The following NDUFA1 variants were observed in gnomAD, a reference collection of about 807,000 sequenced individuals.
NDUFA1 encodes the protein NADH dehydrogenase [ubiquinone] 1 alpha subcomplex subunit 1.
For synonymous variants in NDUFA1, 21 were observed against 20.0 expected (o/e 1.05, Z -0.14); for missense variants, 42 against 56.0 (o/e 0.75, Z 0.80).
intron 1 of NDUFA1, among the ~76,000 whole-genome samples, chrX:119,872,404 G>C (rs1336575102): frequency 9.1e-6 from 1 of 110,176 alleles, no homozygotes; most frequent in Non-Finnish European, 1.9e-5. Context: ...GATCACCTGA[G>C]GTCGGGAGTT....
chrX:119,872,246 C>T (rs2056416273), intron 1 of NDUFA1, among the ~76,000 whole-genome samples: 1 of 111,812 alleles, frequency 8.9e-6, no homozygotes, highest in African/African-American at 3.2e-5. Context: ...AGTAGCGACG[C>T]GGGGGCCGGG....
chrX:119,873,818 G>T (rs1477786011), intron 2 of NDUFA1, among the ~76,000 whole-genome samples: 1 of 109,974 alleles, frequency 9.1e-6, no homozygotes, highest in Non-Finnish European at 1.9e-5. Context: ...TATGTCTCCC[G>T]TACAAAGGCC....
At chrX:119,873,745 T>C (rs776609689) in intron 2 of NDUFA1, among the ~76,000 whole-genome samples, 188 of 111,602 alleles carry the variant, frequency 1.7e-3, no homozygotes, top group African/African-American at 5.9e-3. Flanking sequence ...ATGTTTTTCA[T>C]CAGGTAGTTC....
chrX:119,874,527 CAACTT>C (rs2056429044), intron 2 of NDUFA1, among the ~76,000 whole-genome samples: 1 of 111,108 alleles, frequency 9.0e-6, no homozygotes, highest in Admixed American at 9.7e-5. Context: ...TCATAAGGCT[CAACTT>C]AATAGTATAT....
At chrX:119,873,625 GTCTTTT>G (rs779645680) in intron 2 of NDUFA1, among the ~76,000 whole-genome samples, 2 of 104,128 alleles carry the variant, frequency 1.9e-5, no homozygotes, top group African/African-American at 7.0e-5. Context: ...CTGTTCCATT[GTCTTTT>G]TCTTTTTGAG....
At chrX:119,874,315 A>G (rs1468290023) in intron 2 of NDUFA1, among the ~76,000 whole-genome samples, 2 of 107,717 alleles carry the variant, frequency 1.9e-5, no homozygotes, top group Non-Finnish European at 3.8e-5. Context: ...CAAGCACCCA[A>G]TTTATTTTTA....
intron 1 of NDUFA1, among the ~76,000 whole-genome samples, chrX:119,872,509 C>G (rs1194644107): frequency 1.8e-5 from 2 of 109,678 alleles, no homozygotes; most frequent in Non-Finnish European, 3.8e-5. Flanking sequence ...CCCAGCTACT[C>G]GGGAGGCTGA....
chrX:119,876,623 A>C lies in NDUFA1; in HGVS notation c.*89A>C. ...GTTACAGTGTATTATGTAGCATGCA[A>C]TGTGTTATGTAGTGCTTAATAAAAA... On this transcript the variant is annotated 3_prime_UTR_variant, in exon 3 of 3. Transcript: ENST00000371437. 1.2e-6 allele frequency: 1 copy of C among 836,208 alleles called. No homozygotes were observed. The highest frequency in any genetic ancestry group is 1.8e-6 in the Non-Finnish European group (1 of 558,876). 68.9% of individuals were successfully genotyped at this position (836,208 alleles called of 1,213,427 possible). A position where few individuals can be genotyped will look rare whatever the true frequency, so the allele number is the denominator to read the frequency against.
chrX:119,874,280 C>CA (rs748783388), intron 2 of NDUFA1, among the ~76,000 whole-genome samples: 520 of 33,578 alleles, frequency 0.015, 6 homozygotes, highest in Middle Eastern at 0.025. Flanking sequence ...GAGCCTGTCT[C>CA]AAAAAAAAAA....
Position 119,876,623 on chromosome X carries a change from A to G in NDUFA1, c.*89A>G, listed in dbSNP as rs2056438297. The G allele has an allele frequency of 7.2e-6, 6 of 836,208 alleles. No homozygotes were observed. Among genetic ancestry groups the G allele is most frequent in the Non-Finnish European group, 1.1e-5 (6 of 558,876 alleles). The allele number at this position is 836,208 out of a possible 1,213,427, so 68.9% of individuals were successfully genotyped here. A position where few individuals can be genotyped will look rare whatever the true frequency, so the allele number is the denominator to read the frequency against. ...GTTACAGTGTATTATGTAGCATGCA[A>G]TGTGTTATGTAGTGCTTAATAAAAA... is the stretch of plus-strand genomic sequence containing the variant. On this transcript the variant is annotated 3_prime_UTR_variant, in exon 3 of 3. Transcript: ENST00000371437.
intron 2 of NDUFA1, 83 bp downstream of exon 2, chrX:119,873,476 A>C (rs2056424454): frequency 1.4e-6 from 1 of 694,625 alleles, no homozygotes; most frequent in African/African-American, 2.1e-5. Context: ...TACAGTGCTA[A>C]TATATAACTA....
chrX:119,872,145 C>T (rs2147813172), intron 1 of NDUFA1, 132 bp downstream of exon 1: 5 of 623,831 alleles, frequency 8.0e-6, no homozygotes, highest in Non-Finnish European at 1.3e-5. Context: ...GCCTAGAAGC[C>T]GAGGCTTGCG....
intron 2 of NDUFA1, among the ~76,000 whole-genome samples, chrX:119,874,819 C>T (rs1353732497): frequency 8.9e-6 from 1 of 112,148 alleles, no homozygotes; most frequent in African/African-American, 3.2e-5. Flanking sequence ...CCACCTCAAC[C>T]TCCCAAAGTG....
Position 119,872,003 on chromosome X carries a change from A to G in NDUFA1, c.92A>G (p.Asn31Ser). The G allele has an allele frequency of 8.3e-7, 1 of 1,211,299 alleles. No homozygotes were observed. The highest frequency in any genetic ancestry group is 3.0e-5 in the East Asian group (1 of 33,842). Residue 31 changes from asparagine (N) to serine (S), a missense_variant, in exon 1 of 3, where the codon AAC becomes AGC. Coordinates refer to ENST00000371437, the MANE Select transcript of NDUFA1 (RefSeq NM_004541.4). ...LATAYIHRFT[N>S]GGKEKRVAHF... ...ACTGCGTACATCCACAGGTTCACTA[A>G]CGGGGGCAAGGTAAGCCGGCTTCGG...
intron 1 of NDUFA1, 137 bp from the exon 2 acceptor site, chrX:119,873,167 T>C: frequency 2.0e-6 from 1 of 501,324 alleles, no homozygotes. Context: ...GAGATTCTGT[T>C]CTTTGTACTA....
intron 2 of NDUFA1, among the ~76,000 whole-genome samples, chrX:119,874,358 A>G (rs1343985962): frequency 9.2e-6 from 1 of 108,572 alleles, no homozygotes; most frequent in Non-Finnish European, 1.9e-5. Context: ...CTAAATTTCC[A>G]TGTACACATG....
chrX:119,876,072 G>A (rs1316936896), intron 2 of NDUFA1, among the ~76,000 whole-genome samples: 1 of 110,681 alleles, frequency 9.0e-6, no homozygotes, highest in Non-Finnish European at 1.9e-5. Context: ...GGGCATGGTG[G>A]CACATGCCTT....
At position 119,871,954 on chromosome X, in the gene NDUFA1, T is replaced by A; in HGVS notation, c.43T>A (p.Cys15Ser). 1 of 1,212,431 alleles carries A rather than the reference T, an allele frequency of 8.2e-7. No individual in the cohort carries two copies. Among genetic ancestry groups the A allele is most frequent in the Non-Finnish European group, 1.1e-6 (1 of 895,628 alleles). ...CCCCGGACTCTCCGTCATGGGCGTG[T>A]GCTTGTTGATTCCAGGACTGGCTAC... ...ILPGLSVMGV[C>S]LLIPGLATAY... is the part of the protein sequence containing the mutation. Residue 15 changes from cysteine to serine, a missense_variant, in exon 1 of 3, where the codon TGC becomes AGC. Coordinates refer to ENST00000371437, the MANE Select transcript of NDUFA1 (RefSeq NM_004541.4).
At chrX:119,872,082 C>T (rs1330314605) in intron 1 of NDUFA1, 69 bp downstream of exon 1, 3 of 1,040,637 alleles carry the variant, frequency 2.9e-6, no homozygotes, top group African/African-American at 3.7e-5. Context: ...GGCAGGGAGA[C>T]CGTCAGCCTG....
Sources: gnomAD v4.1 joint callset for allele counts (sites outside exome capture counted in the v4.1 genomes callset) on GRCh38, gnomAD v4.1.1 for gene constraint, MANE v1.5 for transcripts, NCBI Gene and HGNC (gene_info 2026-07-23, HGNC 2026-07-21) for gene names.